The following C12orf42 variants were observed in gnomAD, a reference collection of about 807,000 sequenced individuals.
C12orf42 encodes uncharacterized protein C12orf42.
C12orf42 carries 25 observed loss-of-function variants against 21.6 expected under a neutral mutation model. The ratio of observed to expected loss-of-function variants is 1.16; its 90% CI spans 0.84 to 1.62. The LOEUF is 1.62. C12orf42 is among the 40% of genes most tolerant of loss of function. The probability of loss-of-function intolerance (pLI) is 0.00; values close to 1 mark genes in which losing one functional copy is unlikely to be tolerated. For synonymous variants in C12orf42, 174 were observed against 175.0 expected (o/e 0.99, Z 0.05); for missense variants, 483 against 459.3 (o/e 1.05, Z -0.47).
the C12orf42 span, among the ~76,000 whole-genome samples, chr12:103,185,011 A>C: frequency 1.3e-5 from 2 of 152,168 alleles, no homozygotes; most frequent in African/African-American, 4.8e-5. Flanking sequence ...TTCACCTTCC[A>C]AAATGATAAG....
chr12:103,509,680 A>C, the C12orf42 span, among the ~76,000 whole-genome samples: 1 of 152,280 alleles, frequency 6.6e-6, no homozygotes, highest in Non-Finnish European at 1.5e-5. Context: ...TCACTCCTGC[A>C]TGGCTATTTG....
intron 3 of C12orf42, among the ~76,000 whole-genome samples, chr12:103,375,720 A>G (rs1433486939): frequency 2.0e-5 from 3 of 152,174 alleles, no homozygotes; most frequent in African/African-American, 4.8e-5. Context: ...AAAGTTTTAT[A>G]TTTTAGTATT....
intron 4 of C12orf42, among the ~76,000 whole-genome samples, chr12:103,309,256 G>A (rs550604491): frequency 1.3e-5 from 2 of 152,258 alleles, no homozygotes; most frequent in East Asian, 3.9e-4. Context: ...GAGGCAGCAA[G>A]ACCAACCCCT....
chr12:103,128,603 C>T, the C12orf42 span, among the ~76,000 whole-genome samples: 4 of 152,144 alleles, frequency 2.6e-5, no homozygotes, highest in Non-Finnish European at 5.9e-5. Flanking sequence ...CCTGACTGTT[C>T]ATCTTTAAAA....
the C12orf42 span, among the ~76,000 whole-genome samples, chr12:103,551,883 G>T: frequency 1.3e-3 from 200 of 152,168 alleles, no homozygotes; most frequent in African/African-American, 4.7e-3. Flanking sequence ...AGGAAAAGAA[G>T]TAGAAGGAGG....
At position 103,478,382 on chromosome 12, in the gene C12orf42, C is replaced by G; in HGVS notation, c.45G>C (p.Leu15Phe). 1 of 1,604,666 alleles carries G rather than the reference C, an allele frequency of 6.2e-7. No homozygotes were observed. Among genetic ancestry groups the G allele is most frequent in the Non-Finnish European group, 8.5e-7 (1 of 1,174,318 alleles). Reference sequence around the variant, plus strand: ...TGTTTGCAAAAGGTCTGATGGTTAGCAAGAATTCTTCTTCCCTTTGTTTCA... The same window carrying G: ...TGTTTGCAAAAGGTCTGATGGTTAGGAAGAATTCTTCTTCCCTTTGTTTCA... ...ICMKQREEEF[L>F]LTIRPFANRM... is the part of the protein sequence containing the mutation. Residue 15 changes from leucine to phenylalanine, a missense_variant, in exon 2 of 6, where the codon TTG (leucine) becomes TTC (phenylalanine). Leu to Phe is a conservative substitution (Grantham distance 22). Transcript: ENST00000548883.
the C12orf42 span, among the ~76,000 whole-genome samples, chr12:103,099,422 A>C: frequency 6.6e-6 from 1 of 152,334 alleles, no homozygotes; most frequent in East Asian, 1.9e-4. Flanking sequence ...TAATTTAAAA[A>C]TCCAGTGGAG....
chr12:103,421,058 A>T (rs538809514), intron 2 of C12orf42, among the ~76,000 whole-genome samples: 22 of 152,312 alleles, frequency 1.4e-4, no homozygotes, highest in African/African-American at 5.1e-4. Flanking sequence ...ACAGTGCACC[A>T]ATATGAGAAG....
chr12:103,139,787 T>G, the C12orf42 span, among the ~76,000 whole-genome samples: 1 of 152,256 alleles, frequency 6.6e-6, no homozygotes, highest in South Asian at 2.1e-4. Flanking sequence ...ACAATGCATA[T>G]GCAGTGCTTG....
chr12:103,559,219 C>T, the C12orf42 span: 2 of 148,232 alleles, frequency 1.3e-5, no homozygotes, highest in African/African-American at 2.4e-5. Context: ...CCTGCAGGTA[C>T]TACATGCCAA....
chr12:103,294,563 AAAAG>A (rs2037085034), intron 4 of C12orf42, among the ~76,000 whole-genome samples: 2 of 131,264 alleles, frequency 1.5e-5, no homozygotes, highest in South Asian at 2.8e-4. Flanking sequence ...GAAAGAAAGA[AAAAG>A]AAAGGAAGGA....
the C12orf42 span, among the ~76,000 whole-genome samples, chr12:103,201,441 C>A: frequency 5.3e-5 from 8 of 151,984 alleles, no homozygotes; most frequent in South Asian, 1.5e-3. Flanking sequence ...AATCACAATG[C>A]GATCAAGAAA....
At chr12:103,098,666 G>A in the C12orf42 span, among the ~76,000 whole-genome samples, 3 of 152,160 alleles carry the variant, frequency 2.0e-5, no homozygotes, top group Non-Finnish European at 4.4e-5. Flanking sequence ...ATGAGTTAGT[G>A]ATCTTTTGAA....
chr12:103,071,998 C>T, the C12orf42 span, among the ~76,000 whole-genome samples: 12 of 152,290 alleles, frequency 7.9e-5, no homozygotes, highest in African/African-American at 2.6e-4. Context: ...TAGGTGCTTA[C>T]AGCATCATCT....
chr12:103,332,407 A>G (rs1446682568), intron 4 of C12orf42, among the ~76,000 whole-genome samples: 1 of 152,200 alleles, frequency 6.6e-6, no homozygotes, highest in African/African-American at 2.4e-5. Context: ...TGCAGACTAG[A>G]TTGGGGATAT....
At chr12:103,367,073 G>T (rs796387791) in intron 4 of C12orf42, among the ~76,000 whole-genome samples, 1 of 151,800 alleles carries the variant, frequency 6.6e-6, no homozygotes, top group African/African-American at 2.4e-5. Flanking sequence ...ATCAACGGGT[G>T]GATAAACCGT....
chr12:103,526,315 C>T, the C12orf42 span, among the ~76,000 whole-genome samples: 1 of 152,170 alleles, frequency 6.6e-6, no homozygotes, highest in Non-Finnish European at 1.5e-5. Context: ...GAAACCAGAA[C>T]TCAATTCTTA....
At chr12:103,444,743 T>C (rs905917775) in intron 2 of C12orf42, among the ~76,000 whole-genome samples, 3 of 152,108 alleles carry the variant, frequency 2.0e-5, no homozygotes, top group African/African-American at 7.2e-5. Context: ...TCTTCTTCTT[T>C]ATAAGTTTTT....
chr12:103,188,920 G>T, the C12orf42 span, among the ~76,000 whole-genome samples: 1 of 152,178 alleles, frequency 6.6e-6, no homozygotes, highest in African/African-American at 2.4e-5. Context: ...TAATATGAAA[G>T]AAGTCAGTCT....
Sources: gnomAD v4.1 joint callset for allele counts (sites outside exome capture counted in the v4.1 genomes callset) on GRCh38, gnomAD v4.1.1 for gene constraint, MANE v1.5 for transcripts, NCBI Gene and HGNC (gene_info 2026-07-23, HGNC 2026-07-21) for gene names.